SGCD: variants seen among roughly 807,000 people sequenced by gnomAD.
The protein encoded by SGCD is sarcoglycan delta.
SGCD carries 18 observed loss-of-function variants against 36.6 expected under a neutral mutation model. The observed-to-expected ratio is 0.49, with a 90% CI of 0.34 to 0.73. The LOEUF (loss-of-function observed/expected upper bound fraction) is 0.73, where lower values mean the gene tolerates loss of function less well. Ranked by LOEUF, SGCD falls within the 30% of genes least tolerant of loss-of-function variation. The probability of loss-of-function intolerance (pLI) is 0.01; values close to 1 mark genes in which losing one functional copy is unlikely to be tolerated. For missense variants in SGCD, 387 were observed against 346.7 expected, an observed-to-expected ratio of 1.12 and a Z score of -0.92; for synonymous variants, 133 against 130.6, an observed-to-expected ratio of 1.02 and a Z score of -0.12.
At chr5:156,080,582 A>T (rs1432991056) in intron 1 of SGCD, among the ~76,000 whole-genome samples, 1 of 152,200 alleles carries the variant, frequency 6.6e-6, no homozygotes. Flanking sequence ...CATTTCTTGA[A>T]TGCTTTGCTG....
intron 3 of SGCD, among the ~76,000 whole-genome samples, chr5:156,175,301 T>A (rs1488295778): frequency 6.6e-6 from 1 of 152,170 alleles, no homozygotes; most frequent in African/African-American, 2.4e-5. Context: ...CAGTTACTTT[T>A]GAATGTAGAA....
intron 4 of SGCD, among the ~76,000 whole-genome samples, chr5:156,528,529 A>G (rs905900563): frequency 4.6e-5 from 7 of 152,114 alleles, no homozygotes; most frequent in Non-Finnish European, 1.0e-4. Context: ...AAGCTTTTGG[A>G]GAGACAAACA....
chr5:156,753,218 G>A (rs1271970446), intron 7 of SGCD, among the ~76,000 whole-genome samples: 1 of 152,150 alleles, frequency 6.6e-6, no homozygotes, highest in East Asian at 1.9e-4. Flanking sequence ...TGAAGATATG[G>A]CACAGCCTGG....
chr5:156,539,375 C>A (rs994629076), intron 4 of SGCD, among the ~76,000 whole-genome samples: 1 of 151,938 alleles, frequency 6.6e-6, no homozygotes, highest in African/African-American at 2.4e-5. Flanking sequence ...GAAGTATACA[C>A]AGTACCCAAT....
intron 3 of SGCD, among the ~76,000 whole-genome samples, chr5:156,460,922 A>T (rs1754458268): frequency 6.6e-6 from 1 of 152,198 alleles, no homozygotes; most frequent in African/African-American, 2.4e-5. Flanking sequence ...AGAATACACA[A>T]CATTTCCCAA....
intron 2 of SGCD, among the ~76,000 whole-genome samples, chr5:156,337,764 T>C (rs547972388): frequency 1.3e-5 from 2 of 152,324 alleles, no homozygotes; most frequent in East Asian, 3.9e-4. Context: ...AATATGATCA[T>C]TTTCATCCTT....
chr5:155,807,497 T>G, the SGCD span, among the ~76,000 whole-genome samples: 1 of 152,244 alleles, frequency 6.6e-6, no homozygotes, highest in Non-Finnish European at 1.5e-5. Context: ...ATTGTGTGTT[T>G]AAAAATTAAA....
intron 1 of SGCD, among the ~76,000 whole-genome samples, chr5:155,996,443 C>T (rs1758546164): frequency 6.6e-6 from 1 of 152,220 alleles, no homozygotes; most frequent in Non-Finnish European, 1.5e-5. Context: ...CTTCTTAATA[C>T]TTAATAGGTT....
intron 2 of SGCD, among the ~76,000 whole-genome samples, chr5:156,333,600 G>C (rs138098717): frequency 0.015 from 2,256 of 152,064 alleles, 20 homozygotes; most frequent in Non-Finnish European, 0.023. Flanking sequence ...CAAGCAAAGA[G>C]ATTTGGGGTA....
chr5:156,365,376 T>C (rs1400574262), intron 3 of SGCD, among the ~76,000 whole-genome samples: 1 of 152,206 alleles, frequency 6.6e-6, no homozygotes, highest in Non-Finnish European at 1.5e-5. Context: ...ACTACATTAA[T>C]GGACACAGTT....
chr5:156,396,180 C>G (rs1206666521), intron 3 of SGCD, among the ~76,000 whole-genome samples: 1 of 152,180 alleles, frequency 6.6e-6, no homozygotes, highest in Non-Finnish European at 1.5e-5. Flanking sequence ...ATTTCATGCA[C>G]AGAGAGAGAT....
intron 3 of SGCD, among the ~76,000 whole-genome samples, chr5:156,190,560 G>A (rs1247394069): frequency 6.6e-6 from 1 of 152,090 alleles, no homozygotes; most frequent in East Asian, 1.9e-4. Context: ...TATTCCTGCT[G>A]TGTACCTGGC....
chr5:155,808,695 T>A, the SGCD span, among the ~76,000 whole-genome samples: 6 of 152,260 alleles, frequency 3.9e-5, no homozygotes, highest in South Asian at 1.2e-3. Flanking sequence ...TGGATTATTA[T>A]TCTGGCTTTA....
chr5:156,045,878 C>G (rs1229802102), intron 1 of SGCD, among the ~76,000 whole-genome samples: 1 of 152,090 alleles, frequency 6.6e-6, no homozygotes, highest in Admixed American at 6.6e-5. Flanking sequence ...GTTAGGGCAT[C>G]AACATATGAA....
intron 6 of SGCD, among the ~76,000 whole-genome samples, chr5:156,643,840 T>C (rs1282000077): frequency 6.6e-6 from 1 of 152,190 alleles, no homozygotes; most frequent in Admixed American, 6.5e-5. Flanking sequence ...AGGTTATATA[T>C]ACCCAAGCAA....
At chr5:156,533,737 G>T (rs1408776246) in intron 4 of SGCD, among the ~76,000 whole-genome samples, 1 of 152,154 alleles carries the variant, frequency 6.6e-6, no homozygotes, top group Non-Finnish European at 1.5e-5. Context: ...GGATGCCTTA[G>T]GGCTTAATTA....
At chr5:156,391,738 A>G (rs554184865) in intron 3 of SGCD, among the ~76,000 whole-genome samples, 65 of 152,222 alleles carry the variant, frequency 4.3e-4, no homozygotes, top group African/African-American at 1.3e-3. Context: ...TCTGCTGCAG[A>G]TACTAAGGGA....
At chr5:155,944,936 A>G (rs902651151) in intron 1 of SGCD, among the ~76,000 whole-genome samples, 5 of 152,156 alleles carry the variant, frequency 3.3e-5, no homozygotes, top group Non-Finnish European at 7.4e-5. Context: ...ATAATAAGGG[A>G]GTGTAAATCT....
At chr5:155,803,318 G>A in the SGCD span, among the ~76,000 whole-genome samples, 21 of 152,338 alleles carry the variant, frequency 1.4e-4, no homozygotes, top group East Asian at 1.9e-4. Context: ...CCGAGATGCC[G>A]GAGTCATCAG....
Sources: gnomAD v4.1 joint callset for allele counts (sites outside exome capture counted in the v4.1 genomes callset) on GRCh38, gnomAD v4.1.1 for gene constraint, MANE v1.5 for transcripts, NCBI Gene and HGNC (gene_info 2026-07-23, HGNC 2026-07-21) for gene names.